The following C8orf34 variants were observed in gnomAD, a reference collection of about 807,000 sequenced individuals.
C8orf34 encodes the protein uncharacterized protein C8orf34.
A neutral mutation model predicts 68.3 loss-of-function variants in C8orf34; 65 were observed. The ratio of observed to expected loss-of-function variants is 0.95; its 90% CI spans 0.78 to 1.17. C8orf34 has a LOEUF of 1.17. Among genes scored for constraint, C8orf34 ranks in the 50% most tolerant of loss-of-function variants. C8orf34 has a pLI of 0.00. For synonymous variants in C8orf34, 244 were observed against 241.2 expected (o/e 1.01, Z -0.11); for missense variants, 664 against 655.4 (o/e 1.01, Z -0.14).
chr8:68,577,555 A>G (rs2130320376), intron 7 of C8orf34, among the ~76,000 whole-genome samples: 1 of 152,108 alleles, frequency 6.6e-6, no homozygotes, highest in Non-Finnish European at 1.5e-5. Context: ...AAAGAGAATG[A>G]ATGAAAGAAA....
intron 8 of C8orf34, among the ~76,000 whole-genome samples, chr8:68,674,110 T>C (rs1585709670): frequency 6.6e-6 from 1 of 152,080 alleles, no homozygotes; most frequent in African/African-American, 2.4e-5. Flanking sequence ...ATGGCTGCAG[T>C]GACCAAAAAT....
chr8:68,747,899 T>C (rs1230950200), intron 10 of C8orf34, among the ~76,000 whole-genome samples: 3 of 152,152 alleles, frequency 2.0e-5, no homozygotes, highest in Admixed American at 6.6e-5. Flanking sequence ...AATGTTCATA[T>C]GGAATCAAAA....
chr8:68,752,250 G>A (rs1822729001), intron 10 of C8orf34, among the ~76,000 whole-genome samples: 1 of 152,096 alleles, frequency 6.6e-6, no homozygotes, highest in African/African-American at 2.4e-5. Context: ...TTGTGCTGAT[G>A]TCTCATTAAA....
At chr8:68,717,057 G>A (rs1173726663) in intron 9 of C8orf34, among the ~76,000 whole-genome samples, 1 of 151,896 alleles carries the variant, frequency 6.6e-6, no homozygotes, top group African/African-American at 2.4e-5. Flanking sequence ...TCCGTGGTGT[G>A]AATACTCCCA....
intron 1 of C8orf34, among the ~76,000 whole-genome samples, chr8:68,379,557 C>T (rs762774940): frequency 8.5e-5 from 13 of 152,134 alleles, no homozygotes; most frequent in Admixed American, 3.3e-4. Context: ...TGACTTGGTT[C>T]CTCTCTTGCT....
intron 8 of C8orf34, among the ~76,000 whole-genome samples, chr8:68,672,944 A>G (rs925077379): frequency 6.6e-6 from 1 of 151,432 alleles, no homozygotes; most frequent in Non-Finnish European, 1.5e-5. Flanking sequence ...TCACAGTAGG[A>G]TAGGGCATTG....
intron 2 of C8orf34, among the ~76,000 whole-genome samples, chr8:68,444,786 A>C (rs1055346426): frequency 6.6e-6 from 1 of 152,186 alleles, no homozygotes; most frequent in Admixed American, 6.5e-5. Flanking sequence ...TTCTTGCTAG[A>C]AGCAGAGAAT....
At chr8:68,389,660 A>T (rs1051151152) in intron 1 of C8orf34, among the ~76,000 whole-genome samples, 5 of 152,176 alleles carry the variant, frequency 3.3e-5, no homozygotes. Context: ...TTAGGAACTC[A>T]GAATTTATTA....
intron 5 of C8orf34, among the ~76,000 whole-genome samples, chr8:68,509,245 A>G (rs1382862851): frequency 6.6e-6 from 1 of 152,212 alleles, no homozygotes; most frequent in Non-Finnish European, 1.5e-5. Flanking sequence ...GCCATTGTCA[A>G]AGGCTCTGGC....
intron 8 of C8orf34, among the ~76,000 whole-genome samples, chr8:68,650,477 C>G (rs1344808855): frequency 2.5e-5 from 3 of 120,840 alleles, no homozygotes; most frequent in Non-Finnish European, 5.1e-5. Flanking sequence ...CCACCCTAGT[C>G]TTTTTTTTTT....
At chr8:68,618,566 CTGAAACTCCTGGGCTCAAG>C (rs113137763) in intron 7 of C8orf34, among the ~76,000 whole-genome samples, 44,450 of 151,488 alleles carry the variant, frequency 0.29, 8,271 homozygotes, top group African/African-American at 0.55. Flanking sequence ...CTCAGGTGGT[CTGAAACTCCTGGGCTCAAG>C]TGAAACTCCT....
chr8:68,788,679 T>G (rs1326543399), intron 12 of C8orf34, among the ~76,000 whole-genome samples: 1 of 152,024 alleles, frequency 6.6e-6, no homozygotes, highest in African/African-American at 2.4e-5. Context: ...GCCAACATGG[T>G]GAAACCCCGT....
intron 4 of C8orf34, among the ~76,000 whole-genome samples, chr8:68,482,367 C>T (rs77522745): frequency 0.044 from 6,726 of 152,182 alleles, 193 homozygotes; most frequent in Non-Finnish European, 0.065. Context: ...GGATTGAATT[C>T]CTCAACTTCT....
At chr8:68,369,894 G>C (rs1215567235) in intron 1 of C8orf34, among the ~76,000 whole-genome samples, 1 of 152,206 alleles carries the variant, frequency 6.6e-6, no homozygotes, top group East Asian at 1.9e-4. Context: ...AGCAGCATGT[G>C]CTGAGCTGTA....
chr8:68,631,926 G>A (rs4380922), intron 7 of C8orf34, among the ~76,000 whole-genome samples: 21,053 of 152,050 alleles, frequency 0.14, 1,519 homozygotes, highest in Admixed American at 0.21. Flanking sequence ...GCCTAGTCTC[G>A]GGAAGTTTTT....
At chr8:68,434,614 T>C (rs964737640) in intron 1 of C8orf34, among the ~76,000 whole-genome samples, 1 of 152,236 alleles carries the variant, frequency 6.6e-6, no homozygotes, top group Non-Finnish European at 1.5e-5. Context: ...TATGCATTTA[T>C]AATTTTAAAA....
chr8:68,347,536 C>T (rs1806333821), intron 1 of C8orf34, among the ~76,000 whole-genome samples: 2 of 152,222 alleles, frequency 1.3e-5, no homozygotes, highest in African/African-American at 4.8e-5. Flanking sequence ...TGAAGAATCA[C>T]CACACTGCTT....
intron 12 of C8orf34, among the ~76,000 whole-genome samples, chr8:68,802,087 T>C (rs934397277): frequency 1.3e-5 from 2 of 152,144 alleles, no homozygotes; most frequent in African/African-American, 4.8e-5. Context: ...TAGTCCTCTG[T>C]AAGATAATTT....
chr8:68,363,780 CT>C (rs1456788569), intron 1 of C8orf34, among the ~76,000 whole-genome samples: 1 of 72,312 alleles, frequency 1.4e-5, no homozygotes, highest in Non-Finnish European at 2.6e-5. Flanking sequence ...GTACCAGCCG[CT>C]GCAAAATCAT....
Sources: allele counts gnomAD v4.1 joint callset (sites outside exome capture counted in the v4.1 genomes callset), GRCh38; gene constraint gnomAD v4.1.1; transcripts MANE v1.5; gene names NCBI Gene and HGNC (gene_info 2026-07-23, HGNC 2026-07-21).